The following RIMKLB variants were observed in gnomAD, a reference collection of about 807,000 sequenced individuals.
RIMKLB encodes the protein beta-citrylglutamate synthase B.
RIMKLB carries 7 observed loss-of-function variants against 32.0 expected under a neutral mutation model. The ratio of observed to expected loss-of-function variants is 0.22; its 90% confidence interval spans 0.12 to 0.41. The LOEUF (loss-of-function observed/expected upper bound fraction) is 0.41, where lower values mean the gene tolerates loss of function less well. Among genes scored for constraint, RIMKLB ranks in the 10% least tolerant of loss-of-function variants. The pLI, the probability that RIMKLB is intolerant of heterozygous loss-of-function variation, is 1.00. For synonymous variants in RIMKLB, 172 were observed against 185.1 expected (o/e 0.93, Z 0.57); for missense variants, 289 against 498.7 (o/e 0.58, Z 4.00).
At chr12:8,697,903 A>C (rs1467983220), upstream of RIMKLB, 4 of 147,054 alleles carry the variant, frequency 2.7e-5, no homozygotes, top group African/African-American at 9.8e-5. Context: ...GCTCCTCAGC[A>C]AGCGGGCGGG....
chr12:8,768,377 C>CA (rs1370102006), intron 5 of RIMKLB, among the ~76,000 whole-genome samples: 1 of 152,140 alleles, frequency 6.6e-6, no homozygotes, highest in Non-Finnish European at 1.5e-5. Context: ...CGAGCCGTAA[C>CA]AAACACGGAC....
At chr12:8,712,363 G>A (rs1056023126) in intron 1 of RIMKLB, among the ~76,000 whole-genome samples, 1 of 152,074 alleles carries the variant, frequency 6.6e-6, no homozygotes, top group African/African-American at 2.4e-5. Flanking sequence ...AGCAAGCCTA[G>A]ATCACACCAT....
chr12:8,716,371 C>T (rs561426482), intron 2 of RIMKLB, among the ~76,000 whole-genome samples: 69 of 149,840 alleles, frequency 4.6e-4, no homozygotes, highest in Middle Eastern at 7.1e-3. Flanking sequence ...ATTTCAGCTT[C>T]TCTGTCTCTG....
chr12:8,743,354 CAA>C lies in RIMKLB; in HGVS notation c.176-6486_176-6485del, dbSNP rs60066068. Among the ~76,000 whole-genome samples the C allele has an allele frequency of 8.3e-3, 538 of 65,134 alleles. 2 individuals are homozygous for C. Among genetic ancestry groups the C allele is most frequent in the East Asian group, 0.027 (51 of 1,860 alleles). 42.7% of individuals were successfully genotyped at this position (65,134 alleles called of 152,430 possible). ...GGGTGACAGAGCCAAGAGTCTGTCT[CAA>C]AAAAAAAAAAAAAAAAAAAAATTCC... On this transcript the variant is annotated intron_variant, in intron 2 of 5. Transcript: ENST00000535829.
Position 8,776,481 on chromosome 12 carries a change from A to G in RIMKLB, c.*2697A>G, listed in dbSNP as rs1343202218. ...ATCTTCATTGCTATTATGAGAGAGA[A>G]TGTATATATCAAATATGTGTAATGA... On this transcript the variant is annotated 3_prime_UTR_variant, in exon 6 of 6. Coordinates refer to ENST00000535829, the MANE Select transcript of RIMKLB (RefSeq NM_001297776.2). The G allele has an allele frequency of 1.4e-6, 1 of 737,324 alleles. No homozygotes were observed. Among genetic ancestry groups the G allele is most frequent in the Non-Finnish European group, 1.7e-6 (1 of 604,116 alleles). 45.7% of individuals were successfully genotyped at this position (737,324 alleles called of 1,614,324 possible).
At chr12:8,731,939 TCTTA>T (rs1174810230) in intron 2 of RIMKLB, among the ~76,000 whole-genome samples, 5 of 152,174 alleles carry the variant, frequency 3.3e-5, no homozygotes, top group African/African-American at 7.2e-5. Context: ...TGCCTGTTTT[TCTTA>T]CTTTTTTCAT....
chr12:8,698,784 C>T (rs1031121559), intron 1 of RIMKLB, among the ~76,000 whole-genome samples: 1 of 151,884 alleles, frequency 6.6e-6, no homozygotes, highest in Non-Finnish European at 1.5e-5. Flanking sequence ...CTACTGTATT[C>T]GATTCCACGT....
At chr12:8,670,246 A>C in the RIMKLB span, among the ~76,000 whole-genome samples, 1 of 152,096 alleles carries the variant, frequency 6.6e-6, no homozygotes, top group Admixed American at 6.5e-5. Context: ...GTCTTAACTC[A>C]TATCAGCATT....
chr12:8,748,465 C>A (rs1948302311), intron 2 of RIMKLB, among the ~76,000 whole-genome samples: 1 of 150,640 alleles, frequency 6.6e-6, no homozygotes, highest in South Asian at 2.1e-4. Flanking sequence ...TTCCACAGTT[C>A]CAAGCATCCA....
intron 2 of RIMKLB, among the ~76,000 whole-genome samples, chr12:8,728,347 GC>G (rs1363825781): frequency 6.6e-6 from 1 of 152,158 alleles, no homozygotes; most frequent in Non-Finnish European, 1.5e-5. Context: ...GAGTAAATAG[GC>G]CTTTAGTGGT....
upstream of RIMKLB, chr12:8,697,901 G>T (rs1942978057): frequency 6.8e-6 from 1 of 147,758 alleles, no homozygotes; most frequent in Admixed American, 6.7e-5. Context: ...CCGCTCCTCA[G>T]CAAGCGGGCG....
chr12:8,782,669 T>TAA (rs1951162760), intron 7 of RIMKLB, among the ~76,000 whole-genome samples: 1 of 152,186 alleles, frequency 6.6e-6, no homozygotes, highest in African/African-American at 2.4e-5. Context: ...ATTTAGCTTT[T>TAA]ATTTTTTAAT....
chr12:8,764,787 G>C (rs747159764), intron 5 of RIMKLB, among the ~76,000 whole-genome samples: 8 of 152,150 alleles, frequency 5.3e-5, no homozygotes, highest in Admixed American at 3.9e-4. Context: ...GCATGGACGA[G>C]GGGGCGGCTT....
intron 4 of RIMKLB, 136 bp downstream of exon 4, chr12:8,752,179 T>A (rs759340415): frequency 7.8e-4 from 462 of 594,778 alleles, no homozygotes; most frequent in Admixed American, 1.7e-3. Context: ...TACTATGAGT[T>A]GTTCAGTTTG....
Position 8,774,509 on chromosome 12 carries a change from G to A in RIMKLB, c.*725G>A. On this transcript the variant is annotated 3_prime_UTR_variant, in exon 6 of 6. Transcript: ENST00000535829. Reference sequence around the variant, plus strand: ...ATAAAATTACACTAGTTTAAAATATGTGCATTCACTTGTATTTGTTAGTGT... The same window carrying A: ...ATAAAATTACACTAGTTTAAAATATATGCATTCACTTGTATTTGTTAGTGT... 1.0e-6 allele frequency: 1 copy of A among 979,676 alleles called. No individual in the cohort carries two copies. The highest frequency in any genetic ancestry group is 1.2e-6 in the Non-Finnish European group (1 of 825,400). 60.7% of individuals were successfully genotyped at this position (979,676 alleles called of 1,614,324 possible). A position where few individuals can be genotyped will look rare whatever the true frequency, so the allele number is the denominator to read the frequency against.
At chr12:8,755,942 C>G (rs117663385) in intron 5 of RIMKLB, among the ~76,000 whole-genome samples, 4,237 of 152,158 alleles carry the variant, frequency 0.028, 58 homozygotes, top group Non-Finnish European at 0.033. Context: ...TCACTTGAGG[C>G]CAGGAGTTCA....
At chr12:8,742,383 G>A in intron 2 of RIMKLB, 1 of 234,656 alleles carries the variant, frequency 4.3e-6, no homozygotes, top group South Asian at 5.6e-5. Flanking sequence ...GAGAGGGAGG[G>A]GTCCATGTGG....
At chr12:8,736,938 A>G (rs1947062172) in intron 2 of RIMKLB, among the ~76,000 whole-genome samples, 1 of 152,012 alleles carries the variant, frequency 6.6e-6, no homozygotes, top group Non-Finnish European at 1.5e-5. Flanking sequence ...CAGCCTCTCA[A>G]GTAGCTGGGA....
At chr12:8,709,441 A>G (rs144337139) in intron 1 of RIMKLB, among the ~76,000 whole-genome samples, 1 of 152,244 alleles carries the variant, frequency 6.6e-6, no homozygotes, top group African/African-American at 2.4e-5. Flanking sequence ...CAAGGCTAGG[A>G]GAGAACCATT....
Sources: allele counts gnomAD v4.1 joint callset (sites outside exome capture counted in the v4.1 genomes callset), GRCh38; gene constraint gnomAD v4.1.1; transcripts MANE v1.5; gene names NCBI Gene and HGNC (gene_info 2026-07-23, HGNC 2026-07-21).